HSD17B12: variants seen among roughly 807,000 people sequenced by gnomAD.
HSD17B12 encodes hydroxysteroid 17-beta dehydrogenase 12.
HSD17B12 carries 32 observed loss-of-function variants against 39.3 expected under a neutral mutation model. The observed-to-expected ratio is 0.81, with a 90% CI of 0.61 to 1.09. The LOEUF is 1.09. Ranked by LOEUF, HSD17B12 falls within the 50% of genes least tolerant of loss-of-function variation. HSD17B12 has a pLI of 0.00. For synonymous variants in HSD17B12, 150 were observed against 146.7 expected, an observed-to-expected ratio of 1.02 and a Z score of -0.16; for missense variants, 342 against 382.9, an observed-to-expected ratio of 0.89 and a Z score of 0.89.
At chr11:43,636,922 A>G in the HSD17B12 span, among the ~76,000 whole-genome samples, 1 of 152,174 alleles carries the variant, frequency 6.6e-6, no homozygotes, top group Non-Finnish European at 1.5e-5. Flanking sequence ...CTCATCTGGG[A>G]GGCAGTGTGT....
intron 3 of HSD17B12, among the ~76,000 whole-genome samples, chr11:43,796,933 A>T (rs1166190521): frequency 6.6e-6 from 1 of 152,110 alleles, no homozygotes; most frequent in Non-Finnish European, 1.5e-5. Flanking sequence ...TAAAGTAGAC[A>T]TGTTGGACCA....
intron 3 of HSD17B12, among the ~76,000 whole-genome samples, chr11:43,772,171 G>C (rs188417685): frequency 7.2e-5 from 11 of 152,186 alleles, no homozygotes; most frequent in Admixed American, 4.6e-4. Flanking sequence ...GTGTTGAGTC[G>C]TTAATAGTGA....
In HSD17B12 at chr11:43,712,547, A is replaced by T. The variant is rs548515804; in HGVS notation, c.160+31560A>T. Among the ~76,000 whole-genome samples, 64 of 152,188 alleles carry T rather than the reference A, an allele frequency of 4.2e-4. No homozygotes were observed. The South Asian group carries it at 0.011, about 26-fold the overall frequency. On this transcript the variant is annotated intron_variant, in intron 1 of 10. Coordinates refer to ENST00000278353, the MANE Select transcript of HSD17B12 (RefSeq NM_016142.3). The stretch of plus-strand genomic sequence containing the variant: ...TGCCAATCAGAATATGTTTAAATCT[A>T]CCTATGACCTAGAAGCCCCTCCCCT...
At chr11:43,567,607 C>G in the HSD17B12 span, among the ~76,000 whole-genome samples, 1 of 152,156 alleles carries the variant, frequency 6.6e-6, no homozygotes, top group African/African-American at 2.4e-5. Flanking sequence ...AGAAATCCAT[C>G]GCAGTTATTC....
At position 43,751,973 on chromosome 11, in the gene HSD17B12, C is replaced by T. The variant is rs959198642; in HGVS notation, c.207+1016C>T. On this transcript the variant is annotated intron_variant, in intron 2 of 10. Transcript: ENST00000278353. Reference sequence around the variant, plus strand: ...AGGTTTCCGGTTGCCCCAATACATCCTTTTAAGCTCTTTTTTAATCGTTGT... The same window carrying T: ...AGGTTTCCGGTTGCCCCAATACATCTTTTTAAGCTCTTTTTTAATCGTTGT... Among the ~76,000 whole-genome samples, 4 of 152,132 alleles carry T rather than the reference C, an allele frequency of 2.6e-5. 1 individual carries two copies. Among genetic ancestry groups the T allele is most frequent in the African/African-American group, 4.8e-5 (2 of 41,440 alleles).
At chr11:43,847,715 C>CAAAA (rs749195210) in intron 9 of HSD17B12, among the ~76,000 whole-genome samples, 28,653 of 85,110 alleles carry the variant, frequency 0.34, 5,199 homozygotes, top group East Asian at 0.63. Flanking sequence ...CTCTGCCTCA[C>CAAAA]AAAAAAAAAA....
chr11:43,612,268 C>T, the HSD17B12 span, among the ~76,000 whole-genome samples: 1 of 151,874 alleles, frequency 6.6e-6, no homozygotes, highest in Admixed American at 6.6e-5. Context: ...AATTATGAGC[C>T]CTTCTGGGTA....
chr11:43,724,767 T>C (rs1017838870), intron 1 of HSD17B12, among the ~76,000 whole-genome samples: 5 of 152,274 alleles, frequency 3.3e-5, no homozygotes, highest in African/African-American at 1.2e-4. Flanking sequence ...CTATGAATTT[T>C]GGGGGAACAC....
upstream of HSD17B12, among the ~76,000 whole-genome samples, chr11:43,680,323 C>T (rs568484231): frequency 5.9e-5 from 9 of 152,300 alleles, no homozygotes; most frequent in South Asian, 1.4e-3. Flanking sequence ...TCGCCCGCCT[C>T]GGCCTCCCAA....
At chr11:43,673,930 C>T in the HSD17B12 span, among the ~76,000 whole-genome samples, 1 of 152,150 alleles carries the variant, frequency 6.6e-6, no homozygotes, top group Non-Finnish European at 1.5e-5. Context: ...TCTGTTTCCT[C>T]ATTCATAAAA....
chr11:43,782,861 A>C (rs1437252193), intron 3 of HSD17B12, among the ~76,000 whole-genome samples: 1 of 152,210 alleles, frequency 6.6e-6, no homozygotes, highest in Non-Finnish European at 1.5e-5. Flanking sequence ...GGCAGACACT[A>C]CCTTAATAAG....
intron 3 of HSD17B12, among the ~76,000 whole-genome samples, chr11:43,775,681 A>G (rs1009322138): frequency 4.0e-5 from 6 of 151,898 alleles, no homozygotes; most frequent in African/African-American, 1.5e-4. Context: ...ATATGTATAC[A>G]TGTGCCATGC....
At chr11:43,684,003 C>A (rs1028419781) in intron 1 of HSD17B12, among the ~76,000 whole-genome samples, 2 of 152,216 alleles carry the variant, frequency 1.3e-5, no homozygotes, top group Non-Finnish European at 2.9e-5. Context: ...GTATGCTTCA[C>A]AATCAGTAAA....
the HSD17B12 span, among the ~76,000 whole-genome samples, chr11:43,647,106 T>C: frequency 6.6e-6 from 1 of 152,314 alleles, no homozygotes; most frequent in Admixed American, 6.5e-5. Context: ...GGAAACTTGT[T>C]TCCAAATAAT....
chr11:43,776,056 C>G (rs541884508), intron 3 of HSD17B12, among the ~76,000 whole-genome samples: 1 of 152,110 alleles, frequency 6.6e-6, no homozygotes, highest in Non-Finnish European at 1.5e-5. Flanking sequence ...AATAATGACA[C>G]AATAAACATA....
intron 1 of HSD17B12, chr11:43,734,037 C>T (rs1950293592): frequency 3.9e-6 from 3 of 770,524 alleles, no homozygotes; most frequent in Non-Finnish European, 7.0e-6. Flanking sequence ...ACGGCGGATC[C>T]TCTTCCGGCC....
the HSD17B12 span, among the ~76,000 whole-genome samples, chr11:43,560,783 T>A: frequency 6.6e-6 from 1 of 152,228 alleles, no homozygotes; most frequent in Non-Finnish European, 1.5e-5. Context: ...GGAGCTCTTC[T>A]GAGCCAAGGG....
At chr11:43,688,675 A>G (rs1212889592) in intron 1 of HSD17B12, among the ~76,000 whole-genome samples, 12 of 152,222 alleles carry the variant, frequency 7.9e-5, no homozygotes. Flanking sequence ...GAACTTGAAC[A>G]ATTGGTGCCT....
chr11:43,639,387 T>G, the HSD17B12 span, among the ~76,000 whole-genome samples: 1 of 152,206 alleles, frequency 6.6e-6, no homozygotes, highest in Non-Finnish European at 1.5e-5. Context: ...TTGGTTCTGC[T>G]TCCCTTGGCT....
Sources: allele counts gnomAD v4.1 joint callset (sites outside exome capture counted in the v4.1 genomes callset), GRCh38; gene constraint gnomAD v4.1.1; transcripts MANE v1.5; gene names NCBI Gene and HGNC (gene_info 2026-07-23, HGNC 2026-07-21).